Variants in PRKG1 observed in about 807,000 individuals in gnomAD.
PRKG1 encodes cGMP-dependent protein kinase 1.
A neutral mutation model predicts 88.1 loss-of-function variants in PRKG1; 35 were observed. The ratio of observed to expected loss-of-function variants is 0.40; its 90% CI spans 0.30 to 0.53. PRKG1 has a LOEUF of 0.53. Among genes scored for constraint, PRKG1 ranks in the 20% least tolerant of loss-of-function variants. PRKG1 has a pLI of 0.59. For missense variants in PRKG1, 540 were observed against 839.8 expected, an observed-to-expected ratio of 0.64 and a Z score of 4.41; for synonymous variants, 303 against 292.5, an observed-to-expected ratio of 1.04 and a Z score of -0.37.
intron 2 of PRKG1, among the ~76,000 whole-genome samples, chr10:51,426,259 C>T (rs767229053): frequency 2.1e-4 from 32 of 151,936 alleles, no homozygotes; most frequent in East Asian, 9.7e-4. Flanking sequence ...CCAGCCTGGG[C>T]GACAGAGCAA....
At chr10:51,275,725 T>C (rs952680790) in intron 2 of PRKG1, among the ~76,000 whole-genome samples, 1 of 152,104 alleles carries the variant, frequency 6.6e-6, no homozygotes, top group African/African-American at 2.4e-5. Context: ...AAGTAAACTT[T>C]CAAAAACAAC....
intron 3 of PRKG1, among the ~76,000 whole-genome samples, chr10:51,593,748 G>A (rs530429478): frequency 4.0e-5 from 6 of 150,980 alleles, no homozygotes; most frequent in Middle Eastern, 3.2e-3. Context: ...TTTTTAAGAC[G>A]GAGTCTCGGT....
At chr10:51,752,003 A>G (rs1837738043) in intron 3 of PRKG1, among the ~76,000 whole-genome samples, 1 of 152,180 alleles carries the variant, frequency 6.6e-6, no homozygotes, top group Non-Finnish European at 1.5e-5. Flanking sequence ...ACTCTAGTAC[A>G]AACTTTTTTT....
chr10:51,907,792 AC>A (rs1842119309), intron 5 of PRKG1: 2 of 418,708 alleles, frequency 4.8e-6, no homozygotes, highest in East Asian at 3.7e-5. Context: ...AGGGAGACAA[AC>A]TTTTTGTTGT....
At chr10:51,340,838 AC>A (rs1841988433) in intron 2 of PRKG1, among the ~76,000 whole-genome samples, 1 of 152,212 alleles carries the variant, frequency 6.6e-6, no homozygotes, top group African/African-American at 2.4e-5. Flanking sequence ...CGTGAATAAG[AC>A]AATCTAATGG....
chr10:51,475,407 G>C lies in PRKG1; in HGVS notation c.592+7571G>C, dbSNP rs150032259. ...TATCCGTGTGTAACAAGGCCTTCCA[G>C]GTAATGCCCCTATAGTTTGAGGACT... is the stretch of plus-strand genomic sequence containing the variant. On this transcript the variant is annotated intron_variant, in intron 3 of 17. Transcript: ENST00000373980. Among the ~76,000 whole-genome samples, 353 of 151,984 alleles carry C rather than the reference G, an allele frequency of 2.3e-3. 4 individuals carry two copies. Among genetic ancestry groups the C allele is most frequent in the Non-Finnish European group, 1.7e-3 (118 of 67,934 alleles).
chr10:52,113,387 GATGA>G (rs1847612296), intron 7 of PRKG1, among the ~76,000 whole-genome samples: 1 of 152,042 alleles, frequency 6.6e-6, no homozygotes, highest in Admixed American at 6.6e-5. Flanking sequence ...TGGATGGATA[GATGA>G]ATGGATGGAT....
intron 2 of PRKG1, among the ~76,000 whole-genome samples, chr10:51,384,958 C>T (rs768119579): frequency 3.3e-5 from 5 of 152,104 alleles, no homozygotes; most frequent in Non-Finnish European, 7.4e-5. Context: ...ACAAAGCAAA[C>T]AAATGAAACA....
intron 5 of PRKG1, among the ~76,000 whole-genome samples, chr10:51,921,726 G>T (rs976547808): frequency 6.6e-6 from 1 of 151,970 alleles, no homozygotes; most frequent in Non-Finnish European, 1.5e-5. Flanking sequence ...ATTGATTTTT[G>T]AATGTTGAAC....
intron 1 of PRKG1, among the ~76,000 whole-genome samples, chr10:51,058,656 T>C (rs938482922): frequency 1.3e-5 from 2 of 152,186 alleles, no homozygotes; most frequent in Non-Finnish European, 2.9e-5. Flanking sequence ...CTAATTTTAA[T>C]GTGGTTCATT....
chr10:51,554,013 T>C (rs889456402), intron 3 of PRKG1, among the ~76,000 whole-genome samples: 1 of 141,812 alleles, frequency 7.1e-6, no homozygotes, highest in Non-Finnish European at 1.5e-5. Context: ...GCATATTATA[T>C]GTGCGTATGT....
intron 5 of PRKG1, among the ~76,000 whole-genome samples, chr10:52,034,015 T>C (rs962366611): frequency 6.6e-6 from 1 of 151,686 alleles, no homozygotes; most frequent in African/African-American, 2.4e-5. Context: ...GAAAAGGACT[T>C]TCACAAGGTA....
At chr10:51,951,712 A>G (rs1308048495) in intron 5 of PRKG1, among the ~76,000 whole-genome samples, 1 of 152,158 alleles carries the variant, frequency 6.6e-6, no homozygotes, top group Non-Finnish European at 1.5e-5. Context: ...ATGGGGACAT[A>G]ACTGGAAATG....
chr10:51,015,207 G>T (rs1166418968), intron 1 of PRKG1, among the ~76,000 whole-genome samples: 1 of 152,176 alleles, frequency 6.6e-6, no homozygotes, highest in Non-Finnish European at 1.5e-5. Flanking sequence ...AATTGTGAAA[G>T]AATGTCCAGA....
At chr10:51,551,719 A>G (rs1329732542) in intron 3 of PRKG1, among the ~76,000 whole-genome samples, 1 of 151,772 alleles carries the variant, frequency 6.6e-6, no homozygotes, top group African/African-American at 2.4e-5. Flanking sequence ...TCTATCATTG[A>G]AAAACTAATA....
chr10:51,062,559 A>C (rs1326593229), intron 1 of PRKG1: 1 of 152,178 alleles, frequency 6.6e-6, no homozygotes, highest in Non-Finnish European at 1.5e-5. Flanking sequence ...CCATCATCAG[A>C]AGAAGAAATC....
chr10:52,181,401 A>C (rs1247686043), intron 9 of PRKG1, among the ~76,000 whole-genome samples: 1 of 68,996 alleles, frequency 1.4e-5, no homozygotes, highest in African/African-American at 5.3e-5. Context: ...AAAGAGGTTT[A>C]TTTGGCTCAC....
intron 5 of PRKG1, among the ~76,000 whole-genome samples, chr10:51,978,384 G>C (rs751901712): frequency 1.3e-5 from 2 of 149,250 alleles, no homozygotes; most frequent in Non-Finnish European, 3.0e-5. Context: ...TGGATAGCAT[G>C]ATGCTTCCAG....
intron 5 of PRKG1, among the ~76,000 whole-genome samples, chr10:51,937,457 G>A (rs143386653): frequency 2.3e-3 from 347 of 152,120 alleles, no homozygotes; most frequent in African/African-American, 7.7e-3. Flanking sequence ...AACAGGCCAT[G>A]GTTTGTAAAT....
Sources: gnomAD v4.1 joint callset for allele counts (sites outside exome capture counted in the v4.1 genomes callset) on GRCh38, gnomAD v4.1.1 for gene constraint, MANE v1.5 for transcripts, NCBI Gene and HGNC (gene_info 2026-07-23, HGNC 2026-07-21) for gene names.